The following CACHD1 variants were observed in gnomAD, a reference collection of about 807,000 sequenced individuals.
The protein encoded by CACHD1 is VWFA and cache domain-containing protein 1.
Under a neutral mutation model 138.7 loss-of-function variants are expected in CACHD1, and 71 were observed. That is an observed-to-expected ratio of 0.51 (90% confidence interval 0.42 to 0.62). CACHD1 has a LOEUF of 0.62. Ranked by LOEUF, CACHD1 falls within the 20% of genes least tolerant of loss-of-function variation. The pLI, the probability that CACHD1 is intolerant of heterozygous loss-of-function variation, is 0.00. For missense variants in CACHD1, 1,389 were observed against 1,625.3 expected (o/e 0.85, Z 2.50); for synonymous variants, 578 against 591.5 (o/e 0.98, Z 0.33).
At chr1:64,502,304 T>A (rs1477153581) in intron 1 of CACHD1, among the ~76,000 whole-genome samples, 2 of 152,194 alleles carry the variant, frequency 1.3e-5, no homozygotes, top group Non-Finnish European at 2.9e-5. Flanking sequence ...GCTTCCACAT[T>A]TTTTGCCAAC....
chr1:64,624,004 A>G (rs1648009477), intron 4 of CACHD1, among the ~76,000 whole-genome samples: 1 of 152,188 alleles, frequency 6.6e-6, no homozygotes, highest in Admixed American at 6.5e-5. Flanking sequence ...ACTCATAGGA[A>G]TGGGGGAAGC....
At chr1:64,532,256 C>G (rs1247605729) in intron 1 of CACHD1, among the ~76,000 whole-genome samples, 1 of 152,228 alleles carries the variant, frequency 6.6e-6, no homozygotes, top group South Asian at 2.1e-4. Flanking sequence ...AGATGTACAA[C>G]TTGGGCCCTT....
chr1:64,514,023 T>G (rs902547322), intron 1 of CACHD1, among the ~76,000 whole-genome samples: 1 of 152,232 alleles, frequency 6.6e-6, no homozygotes, highest in African/African-American at 2.4e-5. Flanking sequence ...TCTCTCATCC[T>G]GTCTCTTAAA....
chr1:64,635,659 G>A (rs1022485132), intron 7 of CACHD1, among the ~76,000 whole-genome samples: 2 of 151,698 alleles, frequency 1.3e-5, no homozygotes, highest in Admixed American at 6.6e-5. Flanking sequence ...GGAATTAGAG[G>A]TGTGAGCCAC....
chr1:64,482,216 A>G (rs910038440), intron 1 of CACHD1, among the ~76,000 whole-genome samples: 5 of 152,140 alleles, frequency 3.3e-5, no homozygotes, highest in South Asian at 2.1e-4. Flanking sequence ...TCCATCCTCT[A>G]TCATTTGCTA....
At chr1:64,603,097 ATCTTTTTTTTTT>A (rs1647244038) in intron 4 of CACHD1, among the ~76,000 whole-genome samples, 185 bp downstream of exon 4, 1 of 134,844 alleles carries the variant, frequency 7.4e-6, no homozygotes, top group South Asian at 2.4e-4. Context: ...TCAAGCTTAC[ATCTTTTTTTTTT>A]TTTTTTTTTT....
intron 1 of CACHD1, among the ~76,000 whole-genome samples, chr1:64,543,884 T>C (rs939805281): frequency 2.7e-4 from 40 of 148,960 alleles, no homozygotes; most frequent in Non-Finnish European, 4.3e-4. Flanking sequence ...TTTTTTTTTT[T>C]TTTTTGGTAG....
chr1:64,643,013 T>TG, intron 8 of CACHD1, among the ~76,000 whole-genome samples: 1 of 111,960 alleles, frequency 8.9e-6, no homozygotes, highest in East Asian at 3.0e-4. Context: ...CACCCCAGCC[T>TG]GGTGACAGAG....
intron 3 of CACHD1, 123 bp downstream of exon 3, chr1:64,582,427 T>G: frequency 4.7e-6 from 4 of 852,816 alleles, no homozygotes; most frequent in Non-Finnish European, 7.3e-6. Context: ...TCCCACTATT[T>G]AAGATAAGCC....
At chr1:64,640,290 A>G (rs1160744553) in intron 7 of CACHD1, among the ~76,000 whole-genome samples, 4 of 152,252 alleles carry the variant, frequency 2.6e-5, no homozygotes, top group South Asian at 2.1e-4. Flanking sequence ...AACCTCAACT[A>G]AAACACAATA....
intron 4 of CACHD1, among the ~76,000 whole-genome samples, chr1:64,623,863 C>T (rs149403462): frequency 6.6e-6 from 1 of 152,210 alleles, no homozygotes; most frequent in African/African-American, 2.4e-5. Context: ...TGTGCATCAC[C>T]GCTTAATGGG....
chr1:64,678,335 A>G (rs777587956), intron 23 of CACHD1, 25 bp downstream of exon 23: 2 of 1,529,594 alleles, frequency 1.3e-6, no homozygotes, highest in Admixed American at 4.6e-5. Flanking sequence ...TGCCCCAACA[A>G]TTTGATTCTT....
At chr1:64,526,888 G>A (rs554192754) in intron 1 of CACHD1, among the ~76,000 whole-genome samples, 60 of 152,170 alleles carry the variant, frequency 3.9e-4, no homozygotes, top group Non-Finnish European at 6.6e-4. Flanking sequence ...CGATTCTTTC[G>A]CAAAACCATT....
rs1373768262 is a variant in CACHD1 at position 64,470,165 on chromosome 1, G to A, written c.-580G>A. 6.6e-6 allele frequency among the ~76,000 whole-genome samples: 1 copy of A among 152,050 alleles called. No homozygotes were observed. The highest frequency in any genetic ancestry group is 1.5e-5 in the Non-Finnish European group (1 of 67,972). Reference sequence around the variant, plus strand: ...GCACAGAGCCGGAGCGCAGCGTGGTGGCACCAGACGCCTCCCTTTCCCCAC... The same window carrying A: ...GCACAGAGCCGGAGCGCAGCGTGGTAGCACCAGACGCCTCCCTTTCCCCAC... On this transcript the variant is annotated 5_prime_UTR_variant, in exon 1 of 27. Coordinates refer to ENST00000651257, the MANE Select transcript of CACHD1 (RefSeq NM_020925.4). The surrounding 1 kb of genome is among the most constrained non-coding windows in gnomAD (Gnocchi z 5.2).
At chr1:64,589,310 A>T (rs1172578855) in intron 3 of CACHD1, among the ~76,000 whole-genome samples, 4 of 152,144 alleles carry the variant, frequency 2.6e-5, no homozygotes, top group African/African-American at 9.7e-5. Flanking sequence ...TGATTTCAGG[A>T]ATCCCATCTT....
Position 64,673,209 on chromosome 1 carries a change from C to T in CACHD1, c.2562C>T (p.Ile854=). 6.2e-7 allele frequency: 1 copy of T among 1,613,924 alleles called. No homozygotes were observed. The highest frequency in any genetic ancestry group is 8.5e-7 in the Non-Finnish European group (1 of 1,179,980). ...RGYLVAHPTL[I]DPKGHAPVEQ... ...ATCTGGTGGCGCACCCGACTCTCAT[C>T]GACCCCAAAGGACATGCACCTGTGG... The change falls in exon 18 of 27, where the codon ATC becomes ATT. Residue 854 remains isoleucine (I), a synonymous_variant. Transcript: ENST00000651257.
chr1:64,500,624 G>T (rs151003990), intron 1 of CACHD1, among the ~76,000 whole-genome samples: 1 of 151,554 alleles, frequency 6.6e-6, no homozygotes, highest in East Asian at 1.9e-4. Context: ...AAGTCGAGGC[G>T]GGAGGATCCC....
intron 12 of CACHD1, among the ~76,000 whole-genome samples, chr1:64,655,821 T>G (rs1649243481): frequency 6.6e-6 from 1 of 152,242 alleles, no homozygotes; most frequent in South Asian, 2.1e-4. Flanking sequence ...TCATCAAATT[T>G]TAATCGCTGA....
chr1:64,537,332 T>C lies in CACHD1; in HGVS notation c.199-13262T>C, dbSNP rs77202235. On this transcript the variant is annotated intron_variant, in intron 1 of 26. Transcript: ENST00000651257. ...GACCAGCACCTCTGCAACATATTTC[T>C]TAACTTCAGTTTACTCCTTTGGCCT... 9.4e-4 allele frequency among the ~76,000 whole-genome samples: 143 copies of C among 152,318 alleles called. 1 individual carries two copies. The highest frequency in any genetic ancestry group is 3.2e-3 in the African/African-American group (132 of 41,568).
Sources: allele counts gnomAD v4.1 joint callset (sites outside exome capture counted in the v4.1 genomes callset), GRCh38; gene constraint gnomAD v4.1.1; non-coding constraint Gnocchi (gnomAD v3.1); transcripts MANE v1.5; gene names NCBI Gene and HGNC (gene_info 2026-07-23, HGNC 2026-07-21).